Variants in CCDC102B observed in about 807,000 individuals in gnomAD.
CCDC102B encodes the protein coiled-coil domain containing 102B.
In CCDC102B, 75 loss-of-function variants were observed where a neutral mutation model predicts 57.4. That is an observed-to-expected ratio of 1.31 (90% CI 1.08 to 1.58). CCDC102B has a LOEUF of 1.58. Among genes scored for constraint, CCDC102B ranks in the 40% most tolerant of loss-of-function variants. CCDC102B has a pLI of 0.00. For missense variants in CCDC102B, 636 were observed against 582.6 expected (o/e 1.09, Z -0.94); for synonymous variants, 206 against 201.9 (o/e 1.02, Z -0.17).
At position 68,874,998 on chromosome 18, in the gene CCDC102B, G is replaced by T. The variant is rs79179838; in HGVS notation, c.1053+213G>T. On this transcript the variant is annotated intron_variant, in intron 5 of 7. Transcript: ENST00000360242. Reference sequence around the variant, plus strand: ...TGAACTATTTGAATATTACAAAGATGAAATATTTGACTATGAAACTATCTT... The same window carrying T: ...TGAACTATTTGAATATTACAAAGATTAAATATTTGACTATGAAACTATCTT... 12 of 348,284 alleles carry T rather than the reference G, an allele frequency of 3.4e-5. No individual in the cohort carries two copies. The East Asian group carries it at 5.2e-4, about 15-fold the overall frequency. The allele number at this position is 348,284 out of a possible 1,614,324, so 21.6% of individuals were successfully genotyped here.
chr18:68,786,026 C>G (rs1221994774), intron 2 of CCDC102B, among the ~76,000 whole-genome samples: 1 of 151,524 alleles, frequency 6.6e-6, no homozygotes, highest in Non-Finnish European at 1.5e-5. Flanking sequence ...GGAAGGGATC[C>G]AGTTTCAGCT....
intron 7 of CCDC102B, among the ~76,000 whole-genome samples, chr18:69,021,980 C>G (rs983990899): frequency 6.6e-6 from 1 of 152,106 alleles, no homozygotes; most frequent in Non-Finnish European, 1.5e-5. Flanking sequence ...AGTTCTGCTC[C>G]TCTTCATAAC....
chr18:68,876,167 A>G (rs180678629), intron 5 of CCDC102B, among the ~76,000 whole-genome samples: 10 of 152,326 alleles, frequency 6.6e-5, no homozygotes, highest in Admixed American at 5.2e-4. Flanking sequence ...GTTAACAGCA[A>G]AAAAGGAAGA....
intron 6 of CCDC102B, among the ~76,000 whole-genome samples, chr18:68,976,392 G>A (rs1416249451): frequency 6.6e-6 from 1 of 151,696 alleles, no homozygotes; most frequent in African/African-American, 2.4e-5. Context: ...TATATGAAAA[G>A]GAATATTTTA....
chr18:68,848,736 G>A (rs1031455334), intron 4 of CCDC102B, among the ~76,000 whole-genome samples: 3 of 151,974 alleles, frequency 2.0e-5, no homozygotes, highest in Non-Finnish European at 2.9e-5. Flanking sequence ...TGTGTGGAAA[G>A]GATCATTTAT....
rs987361850 is a variant in CCDC102B at position 68,859,689 on chromosome 18, A to T, written c.936+13268A>T. Among the ~76,000 whole-genome samples the T allele has an allele frequency of 1.1e-3, 72 of 65,650 alleles. 6 individuals are homozygous for T. The highest frequency in any genetic ancestry group is 3.0e-3 in the African/African-American group (72 of 23,924). 43.1% of individuals were successfully genotyped at this position (65,650 alleles called of 152,430 possible). A position where few individuals can be genotyped will look rare whatever the true frequency, so the allele number is the denominator to read the frequency against. On this transcript the variant is annotated intron_variant, in intron 4 of 7. Transcript: ENST00000360242. ...AAGAAGACATTTATGCAGCCAAAAA[A>T]CACATGAAAAAATGCTCATCATCAC... is the stretch of plus-strand genomic sequence containing the variant.
intron 7 of CCDC102B, among the ~76,000 whole-genome samples, chr18:69,047,536 A>G (rs569336210): frequency 6.6e-6 from 1 of 152,156 alleles, no homozygotes; most frequent in African/African-American, 2.4e-5. Context: ...AGAAGCCCTG[A>G]CTAGAGCTAT....
chr18:69,013,122 A>G (rs59147111), intron 7 of CCDC102B, among the ~76,000 whole-genome samples: 13,128 of 152,186 alleles, frequency 0.086, 1,891 homozygotes, highest in African/African-American at 0.3. Context: ...ATCAACCTCA[A>G]TGGATTGTGC....
intron 6 of CCDC102B, among the ~76,000 whole-genome samples, chr18:69,006,149 T>G (rs769554924): frequency 4.6e-5 from 7 of 152,116 alleles, no homozygotes; most frequent in Non-Finnish European, 1.0e-4. Context: ...AATCTTCAAA[T>G]TAGGATTCAT....
intron 2 of CCDC102B, among the ~76,000 whole-genome samples, chr18:68,728,311 T>C (rs1200509214): frequency 2.0e-5 from 3 of 152,218 alleles, no homozygotes; most frequent in Non-Finnish European, 4.4e-5. Flanking sequence ...ATTGCCTCAT[T>C]TCCTGTTCAT....
At chr18:68,921,586 G>A (rs1337173007) in intron 6 of CCDC102B, among the ~76,000 whole-genome samples, 4 of 152,164 alleles carry the variant, frequency 2.6e-5, no homozygotes, top group South Asian at 2.1e-4. Context: ...TAAGGCAATC[G>A]AGTTGGCAGT....
intron 4 of CCDC102B, among the ~76,000 whole-genome samples, chr18:68,854,348 C>T (rs1408541885): frequency 1.3e-5 from 2 of 152,150 alleles, no homozygotes; most frequent in African/African-American, 2.4e-5. Flanking sequence ...GACCCGCCTG[C>T]CTCGGCCTCC....
chr18:68,879,511 G>C (rs560750820), intron 5 of CCDC102B, among the ~76,000 whole-genome samples: 1 of 152,192 alleles, frequency 6.6e-6, no homozygotes, highest in South Asian at 2.1e-4. Flanking sequence ...CCCTGAGCTA[G>C]ACAGAAAGGT....
intron 6 of CCDC102B, among the ~76,000 whole-genome samples, chr18:68,997,677 T>A (rs2051067705): frequency 6.6e-6 from 1 of 152,090 alleles, no homozygotes. Context: ...ATATATTTAT[T>A]TATTCCTCAA....
intron 6 of CCDC102B, among the ~76,000 whole-genome samples, chr18:68,939,226 A>G (rs554631759): frequency 2.4e-4 from 37 of 151,914 alleles, no homozygotes; most frequent in African/African-American, 6.7e-4. Context: ...GTTGTGAGAT[A>G]ACAAAATGTT....
intron 2 of CCDC102B, among the ~76,000 whole-genome samples, chr18:68,775,371 T>C (rs73456151): frequency 0.027 from 4,038 of 152,206 alleles, 162 homozygotes; most frequent in African/African-American, 0.092. Context: ...TTCAGTTGTT[T>C]AGTTAGTGTT....
At chr18:68,882,476 C>T (rs1405911410) in intron 5 of CCDC102B, among the ~76,000 whole-genome samples, 4 of 152,192 alleles carry the variant, frequency 2.6e-5, no homozygotes, top group Non-Finnish European at 4.4e-5. Flanking sequence ...AGTTCCTACA[C>T]AATCCATTGA....
chr18:68,983,950 T>C (rs1211417032), intron 6 of CCDC102B, among the ~76,000 whole-genome samples: 1 of 151,880 alleles, frequency 6.6e-6, no homozygotes, highest in East Asian at 1.9e-4. Context: ...CAATATAACA[T>C]TTTTTCAAGA....
chr18:69,042,965 C>A (rs959524481), intron 7 of CCDC102B, among the ~76,000 whole-genome samples: 6 of 151,924 alleles, frequency 3.9e-5, no homozygotes, highest in Admixed American at 3.3e-4. Flanking sequence ...TAAGTGGACC[C>A]GGGGAACCAG....
Sources: gnomAD v4.1 joint callset for allele counts (sites outside exome capture counted in the v4.1 genomes callset) on GRCh38, gnomAD v4.1.1 for gene constraint, MANE v1.5 for transcripts, NCBI Gene and HGNC (gene_info 2026-07-23, HGNC 2026-07-21) for gene names.